PXDNL: variants seen among roughly 807,000 people sequenced by gnomAD.
The protein encoded by PXDNL is probable oxidoreductase PXDNL.
In PXDNL, 145 loss-of-function variants were observed where a neutral mutation model predicts 150.8. That is an observed-to-expected ratio of 0.96 (90% CI 0.84 to 1.10). PXDNL has a LOEUF of 1.10. PXDNL is among the 50% of genes least tolerant of loss of function. The pLI, the probability that PXDNL is intolerant of heterozygous loss-of-function variation, is 0.00. For synonymous variants in PXDNL, 757 were observed against 725.7 expected (o/e 1.04, Z -0.69); for missense variants, 2,087 against 1,873.9 (o/e 1.11, Z -2.10).
intron 17 of PXDNL, among the ~76,000 whole-genome samples, chr8:51,383,214 A>G (rs1256938829): frequency 6.6e-6 from 1 of 152,158 alleles, no homozygotes; most frequent in Non-Finnish European, 1.5e-5. Flanking sequence ...TTTCAATCGT[A>G]GACATTGTAG....
chr8:51,502,764 C>T (rs1811213393), intron 4 of PXDNL, among the ~76,000 whole-genome samples: 1 of 151,896 alleles, frequency 6.6e-6, no homozygotes, highest in African/African-American at 2.4e-5. Context: ...ACTAGTATTC[C>T]TGCCATCATT....
At chr8:51,624,099 CAA>C (rs59841822) in intron 2 of PXDNL, among the ~76,000 whole-genome samples, 9 of 79,612 alleles carry the variant, frequency 1.1e-4, no homozygotes, top group African/African-American at 2.8e-4. Context: ...TCTCAAATTA[CAA>C]AAAAAAAAAA....
chr8:51,492,919 G>C (rs1458840209), intron 5 of PXDNL, among the ~76,000 whole-genome samples: 1 of 152,218 alleles, frequency 6.6e-6, no homozygotes, highest in African/African-American at 2.4e-5. Flanking sequence ...CTGTCTGACA[G>C]CTTTGAAGAG....
At chr8:51,340,783 A>T (rs1310079318) in intron 20 of PXDNL, among the ~76,000 whole-genome samples, 1 of 152,260 alleles carries the variant, frequency 6.6e-6, no homozygotes, top group Non-Finnish European at 1.5e-5. Context: ...ACCATGAATC[A>T]GTACTGACCA....
chr8:51,763,333 A>G (rs2037187226), intron 1 of PXDNL, among the ~76,000 whole-genome samples: 2 of 151,760 alleles, frequency 1.3e-5, no homozygotes, highest in South Asian at 2.1e-4. Flanking sequence ...AAAAAAAAAA[A>G]AGAACCAAAA....
intron 1 of PXDNL, among the ~76,000 whole-genome samples, chr8:51,668,816 A>G (rs1167435519): frequency 1.3e-5 from 2 of 152,186 alleles, no homozygotes; most frequent in African/African-American, 4.8e-5. Context: ...ATTTTTGTCA[A>G]TTATTCCAGA....
In PXDNL at chr8:51,608,050, A is replaced by AAGC. The variant is rs1563481754; in HGVS notation, c.237-15353_237-15352insGCT. ...GAAAGAAAGAAAGAAAGAAAGAAAGAAAGAAAGCAAGCAAGCAAGCAAGCA... is the reference window on the plus strand; with the variant it reads ...GAAAGAAAGAAAGAAAGAAAGAAAGAAGCAAGAAAGCAAGCAAGCAAGCAAGCA... On this transcript the variant is annotated intron_variant, in intron 2 of 22. Coordinates refer to ENST00000356297, the MANE Select transcript of PXDNL (RefSeq NM_144651.5). Among the ~76,000 whole-genome samples, 269 of 124,608 alleles carry AAGC rather than the reference A, an allele frequency of 2.2e-3. 5 individuals are homozygous for AAGC. Among genetic ancestry groups the AAGC allele is most frequent in the African/African-American group, 1.0e-2 (260 of 26,004 alleles). 81.7% of individuals were successfully genotyped at this position (124,608 alleles called of 152,430 possible). A position where few individuals can be genotyped will look rare whatever the true frequency, so the allele number is the denominator to read the frequency against.
chr8:51,473,100 T>C (rs974969087), intron 7 of PXDNL, among the ~76,000 whole-genome samples: 20 of 152,142 alleles, frequency 1.3e-4, no homozygotes, highest in African/African-American at 4.8e-4. Flanking sequence ...ATAATTAATA[T>C]CTTGGCTTTA....
At chr8:51,435,171 A>T (rs578157293) in intron 12 of PXDNL, among the ~76,000 whole-genome samples, 22 of 152,218 alleles carry the variant, frequency 1.4e-4, no homozygotes, top group African/African-American at 5.3e-4. Flanking sequence ...CACAAAAAAA[A>T]TTAGCCAGGC....
chr8:51,499,432 CT>C (rs1811135046), intron 5 of PXDNL, among the ~76,000 whole-genome samples: 1 of 152,130 alleles, frequency 6.6e-6, no homozygotes, highest in South Asian at 2.1e-4. Flanking sequence ...TGCCTGACCC[CT>C]GATGTAAGTT....
intron 1 of PXDNL, among the ~76,000 whole-genome samples, chr8:51,783,507 T>A (rs1256614027): frequency 6.6e-6 from 1 of 152,156 alleles, no homozygotes; most frequent in South Asian, 2.1e-4. Context: ...CTTGGCAGAG[T>A]TCACCCCAGC....
At chr8:51,480,835 C>G (rs138909323) in intron 6 of PXDNL, among the ~76,000 whole-genome samples, 218 of 152,328 alleles carry the variant, frequency 1.4e-3, no homozygotes, top group African/African-American at 4.9e-3. Flanking sequence ...TCTTCATTTT[C>G]TGCCATGATT....
chr8:51,661,778 T>C lies in PXDNL; in HGVS notation c.165-7018A>G, dbSNP rs117609573. 1.2e-3 allele frequency among the ~76,000 whole-genome samples: 188 copies of C among 152,228 alleles called. 3 individuals carry two copies. The East Asian group carries it at 0.023, about 19-fold the overall frequency. The stretch of plus-strand genomic sequence containing the variant: ...TGAGGAAAGCCAGAAAGGAAGGGCA[T>C]TCCCTGTGGGAAACTTGTCTGCAGT... On this transcript the variant is annotated intron_variant, in intron 1 of 22. Transcript: ENST00000356297.
Position 51,744,980 on chromosome 8 carries a change from GAA to G in PXDNL, c.164+64199_164+64200del, listed in dbSNP as rs56220220. Among the ~76,000 whole-genome samples the G allele has an allele frequency of 2.6e-3, 60 of 23,190 alleles. 5 individuals are homozygous for G. The East Asian group carries it at 0.048, about 18-fold the overall frequency. 15.2% of individuals were successfully genotyped at this position (23,190 alleles called of 152,430 possible). On this transcript the variant is annotated intron_variant, in intron 1 of 22. Coordinates refer to ENST00000356297, the MANE Select transcript of PXDNL (RefSeq NM_144651.5). Reference sequence around the variant, plus strand: ...AGAAAGAAAGAAAGAAAGAAAGAAAGAAAGAAAGAAAGGGAGGGAGGGAAGAA... The same window carrying G: ...AGAAAGAAAGAAAGAAAGAAAGAAAGAGAAAGAAAGGGAGGGAGGGAAGAA...
rs760673605 is a variant in PXDNL at position 51,426,718 on chromosome 8, G to C, written c.1566C>G (p.Val522=). The C allele has an allele frequency of 1.2e-6, 2 of 1,606,300 alleles. No homozygotes were observed. The highest frequency in any genetic ancestry group is 1.1e-5 in the South Asian group (1 of 89,596). Residue 522 remains valine (V), a synonymous_variant, in exon 13 of 23, where the codon GTC becomes GTG. Transcript: ENST00000356297. The stretch of plus-strand genomic sequence containing the variant: ...AAATGTTTATATTCTTTCCAACCTC[G>C]ACACTTGTATCCTGAGGAAGTTGAG... ...VFTQLPQDTS[V]EVGKNINISC... is the part of the protein sequence containing the mutation.
At chr8:51,557,010 C>T (rs1333818229) in intron 3 of PXDNL, 99 bp from the exon 4 acceptor site, 1 of 674,014 alleles carries the variant, frequency 1.5e-6, no homozygotes, top group East Asian at 2.7e-5. Context: ...ACCTTAGGAG[C>T]TTTGTGGGAT....
At chr8:51,517,486 T>C (rs917969597) in intron 4 of PXDNL, among the ~76,000 whole-genome samples, 1 of 151,976 alleles carries the variant, frequency 6.6e-6, no homozygotes, top group Non-Finnish European at 1.5e-5. Flanking sequence ...TTCCTATCCA[T>C]TGTAGACACA....
chr8:51,654,428 C>A lies in PXDNL; in HGVS notation c.236+261G>T, dbSNP rs1285267426. Among the ~76,000 whole-genome samples the A allele has an allele frequency of 6.6e-6, 1 of 152,180 alleles. No individual in the cohort carries two copies. Among genetic ancestry groups the A allele is most frequent in the Non-Finnish European group, 1.5e-5 (1 of 68,036 alleles). On this transcript the variant is annotated intron_variant, in intron 2 of 22. Transcript: ENST00000356297. ...GACAAGTTACTTAACCCCTCCTTCT[C>A]CCTATTTCTTCTTCTCATGAAGCTT...
In PXDNL at chr8:51,449,097, G is replaced by T; in HGVS notation, c.1271C>A (p.Thr424Asn). ...IVQAPPQFTVTPKDQVVLEEH... is the reference protein window; with the variant it reads ...IVQAPPQFTVNPKDQVVLEEH... Reference sequence around the variant, plus strand: ...TTCCAGCACCACTTGATCCTTGGGGGTTACTGTAAATTGTGGAGGAGCTAA... The same window carrying T: ...TTCCAGCACCACTTGATCCTTGGGGTTTACTGTAAATTGTGGAGGAGCTAA... The change falls in exon 11 of 23, where the codon ACC (threonine) becomes AAC (asparagine). Residue 424 changes from threonine to asparagine, a missense_variant. By Grantham distance (65) the Thr-to-Asn change is moderately conservative (BLOSUM62 0). Transcript: ENST00000356297. 1.3e-6 allele frequency: 2 copies of T among 1,549,680 alleles called. No homozygotes were observed. Among genetic ancestry groups the T allele is most frequent in the Non-Finnish European group, 1.7e-6 (2 of 1,145,642 alleles).
Sources: allele counts gnomAD v4.1 joint callset (sites outside exome capture counted in the v4.1 genomes callset), GRCh38; gene constraint gnomAD v4.1.1; transcripts MANE v1.5; gene names NCBI Gene and HGNC (gene_info 2026-07-23, HGNC 2026-07-21).